TGFBRAP1: variants seen among roughly 807,000 people sequenced by gnomAD.
TGFBRAP1 encodes the protein transforming growth factor beta receptor associated protein 1, also known as transforming growth factor-beta receptor-associated protein 1.
In TGFBRAP1, 20 loss-of-function variants were observed where a neutral mutation model predicts 83.2. The ratio of observed to expected loss-of-function variants is 0.24; its 90% CI spans 0.17 to 0.35. The LOEUF (loss-of-function observed/expected upper bound fraction) is 0.35, where lower values mean the gene tolerates loss of function less well. Ranked by LOEUF, TGFBRAP1 falls within the 10% of genes least tolerant of loss-of-function variation. TGFBRAP1 has a pLI of 1.00. For synonymous variants in TGFBRAP1, 415 were observed against 459.8 expected (o/e 0.90, Z 1.25); for missense variants, 950 against 1,099.4 (o/e 0.86, Z 1.92).
intron 1 of TGFBRAP1, among the ~76,000 whole-genome samples, chr2:105,310,428 C>A (rs776627809): frequency 2.6e-5 from 4 of 152,132 alleles, no homozygotes; most frequent in African/African-American, 4.8e-5. Context: ...GCATCATAAG[C>A]CAGAACACAC....
At chr2:105,293,847 C>G (rs1208572613) in intron 4 of TGFBRAP1, among the ~76,000 whole-genome samples, 1 of 152,090 alleles carries the variant, frequency 6.6e-6, no homozygotes, top group Admixed American at 6.6e-5. Context: ...AAGAACCTAC[C>G]CAGGACCTAG....
chr2:105,313,213 C>T (rs1316503655), intron 1 of TGFBRAP1, among the ~76,000 whole-genome samples: 2 of 152,218 alleles, frequency 1.3e-5, no homozygotes. Context: ...TTTCCGGCTA[C>T]ACATGGGGTG....
rs538105943 is a variant in TGFBRAP1, at chr2:105,299,991, A to C, written c.689-1286T>G. Among the ~76,000 whole-genome samples the C allele has an allele frequency of 2.6e-5, 4 of 152,334 alleles. No individual in the cohort carries two copies. In the South Asian group the frequency reaches 8.3e-4, roughly 32 times the overall value. On this transcript the variant is annotated intron_variant, in intron 2 of 11. Coordinates refer to ENST00000393359, the MANE Select transcript of TGFBRAP1 (RefSeq NM_004257.6). Reference sequence around the variant, plus strand: ...TGCTGCAGGAGTGCAACTGCTGTCAACAGGCACATGTAACAAATGTGTAAA... The same window carrying C: ...TGCTGCAGGAGTGCAACTGCTGTCACCAGGCACATGTAACAAATGTGTAAA...
downstream of TGFBRAP1, among the ~76,000 whole-genome samples, chr2:105,260,761 T>C (rs1676771504): frequency 6.6e-6 from 1 of 152,148 alleles, no homozygotes; most frequent in Non-Finnish European, 1.5e-5. Flanking sequence ...GTTATGTATA[T>C]TTTACCACAA....
chr2:105,251,519 G>C, the TGFBRAP1 span, among the ~76,000 whole-genome samples: 1 of 149,874 alleles, frequency 6.7e-6, no homozygotes. Flanking sequence ...GAGGGAGGTG[G>C]GGGGGGATCA....
rs1306471335 is a variant in TGFBRAP1, at chr2:105,307,711, G to A, written c.591C>T (p.Val197=). The change falls in exon 2 of 12, where the codon GTC becomes GTT. Residue 197 remains valine (V), a synonymous_variant. Transcript: ENST00000393359. ...QYIIHNYSTG[V]SQDLFPYCSE... Reference sequence around the variant, plus strand: ...TGCAGTAGGGAAACAGGTCCTGGGAGACGCCTGTGCTGTAATTGTGGATGA... The same window carrying A: ...TGCAGTAGGGAAACAGGTCCTGGGAAACGCCTGTGCTGTAATTGTGGATGA... The A allele has an allele frequency of 5.6e-6, 9 of 1,614,192 alleles. No individual in the cohort carries two copies. Among genetic ancestry groups the A allele is most frequent in the Non-Finnish European group, 7.6e-6 (9 of 1,180,044 alleles).
intron 1 of TGFBRAP1, among the ~76,000 whole-genome samples, chr2:105,326,217 G>C (rs1474422304): frequency 6.6e-6 from 1 of 151,826 alleles, no homozygotes; most frequent in African/African-American, 2.4e-5. Flanking sequence ...TACTATATAT[G>C]GTGTGTGTAT....
At chr2:105,306,827 T>C (rs187786223) in intron 2 of TGFBRAP1, among the ~76,000 whole-genome samples, 1 of 151,990 alleles carries the variant, frequency 6.6e-6, no homozygotes, top group Non-Finnish European at 1.5e-5. Context: ...AAAACATGCA[T>C]GCTAGATATG....
At chr2:105,311,156 A>C (rs959130317) in intron 1 of TGFBRAP1, among the ~76,000 whole-genome samples, 3 of 141,578 alleles carry the variant, frequency 2.1e-5, no homozygotes, top group African/African-American at 2.6e-5. Flanking sequence ...AAAAAAAAAA[A>C]AAAAACAAAA....
chr2:105,315,246 G>T (rs1018820283), intron 1 of TGFBRAP1, among the ~76,000 whole-genome samples: 3 of 152,054 alleles, frequency 2.0e-5, no homozygotes, highest in African/African-American at 7.2e-5. Context: ...GACCCAAATT[G>T]TCATCTTAGA....
At chr2:105,326,662 T>C (rs1173117615) in intron 1 of TGFBRAP1, among the ~76,000 whole-genome samples, 2 of 151,964 alleles carry the variant, frequency 1.3e-5, no homozygotes, top group African/African-American at 4.8e-5. Flanking sequence ...GAGGTTGCAG[T>C]GAGCCGAGAA....
chr2:105,261,830 GT>G (rs1676794468), downstream of TGFBRAP1, among the ~76,000 whole-genome samples: 1 of 152,158 alleles, frequency 6.6e-6, no homozygotes, highest in Admixed American at 6.5e-5. Flanking sequence ...TTGAAAAAAG[GT>G]ATGTGTAGAC....
At chr2:105,278,467 C>T (rs1677423687) in intron 6 of TGFBRAP1, among the ~76,000 whole-genome samples, 1 of 152,106 alleles carries the variant, frequency 6.6e-6, no homozygotes, top group African/African-American at 2.4e-5. Context: ...AGTCAGGGAG[C>T]GTCCTGGGGG....
At chr2:105,282,455 A>G (rs1677574448) in intron 5 of TGFBRAP1, among the ~76,000 whole-genome samples, 1 of 152,182 alleles carries the variant, frequency 6.6e-6, no homozygotes, top group Non-Finnish European at 1.5e-5. Flanking sequence ...AGAAAATCAC[A>G]ATTTATTAGC....
downstream of TGFBRAP1, among the ~76,000 whole-genome samples, chr2:105,264,233 G>C (rs1676849523): frequency 6.6e-6 from 1 of 152,264 alleles, no homozygotes; most frequent in Non-Finnish European, 1.5e-5. Context: ...CCAATGTCAA[G>C]GAGCACCCTA....
At chr2:105,317,831 A>G (rs1678932356) in intron 1 of TGFBRAP1, among the ~76,000 whole-genome samples, 1 of 152,212 alleles carries the variant, frequency 6.6e-6, no homozygotes, top group African/African-American at 2.4e-5. Context: ...AAATACACAA[A>G]CAGACCTTTC....
intron 1 of TGFBRAP1, among the ~76,000 whole-genome samples, chr2:105,311,145 T>TAAA (rs11389565): frequency 2.0e-4 from 25 of 125,484 alleles, no homozygotes; most frequent in African/African-American, 5.9e-4. Context: ...GAGAGAGCTG[T>TAAA]AAAAAAAAAA....
intron 4 of TGFBRAP1, among the ~76,000 whole-genome samples, chr2:105,288,358 C>A (rs529813494): frequency 2.0e-5 from 3 of 152,126 alleles, no homozygotes; most frequent in African/African-American, 7.2e-5. Flanking sequence ...TCTCGGCTCT[C>A]CAGGGCTCTC....
intron 4 of TGFBRAP1, among the ~76,000 whole-genome samples, chr2:105,290,904 G>C (rs1677888701): frequency 6.6e-6 from 1 of 152,112 alleles, no homozygotes; most frequent in Admixed American, 6.6e-5. Flanking sequence ...TACTCGGGAG[G>C]CTGAGGCAGG....
Sources: gnomAD v4.1 joint callset for allele counts (sites outside exome capture counted in the v4.1 genomes callset) on GRCh38, gnomAD v4.1.1 for gene constraint, MANE v1.5 for transcripts, NCBI Gene and HGNC (gene_info 2026-07-23, HGNC 2026-07-21) for gene names.